PKN2: variants seen among roughly 807,000 people sequenced by gnomAD.
The protein encoded by PKN2 is protein kinase N2.
In PKN2, 38 loss-of-function variants were observed where a neutral mutation model predicts 119.1. That is an observed-to-expected ratio of 0.32 (90% CI 0.25 to 0.42). PKN2 has a LOEUF of 0.42. PKN2 is among the 10% of genes least tolerant of loss of function. The pLI, the probability that PKN2 is intolerant of heterozygous loss-of-function variation, is 1.00. For synonymous variants in PKN2, 390 were observed against 384.9 expected (o/e 1.01, Z -0.15); for missense variants, 850 against 1,165.1 (o/e 0.73, Z 3.94).
At chr1:88,828,134 GTAAA>G (rs1418763201) in intron 18 of PKN2, among the ~76,000 whole-genome samples, 3 of 152,146 alleles carry the variant, frequency 2.0e-5, no homozygotes, top group African/African-American at 4.8e-5. Context: ...TTATAATGAA[GTAAA>G]TAAACTTATT....
chr1:88,820,225 TATATATATAAATAGA>T (rs1672209551), intron 16 of PKN2, among the ~76,000 whole-genome samples: 1 of 41,416 alleles, frequency 2.4e-5, no homozygotes, highest in African/African-American at 1.0e-4. Flanking sequence ...TATATATATA[TATATATATAAATAGA>T]AAAAAATAAA....
chr1:88,739,026 T>C (rs1271627196), intron 1 of PKN2, among the ~76,000 whole-genome samples: 4 of 152,226 alleles, frequency 2.6e-5, no homozygotes, highest in Non-Finnish European at 4.4e-5. Context: ...TCATTGTTTA[T>C]CTGTATAGTG....
intron 16 of PKN2, among the ~76,000 whole-genome samples, chr1:88,817,471 G>T (rs1029040085): frequency 2.0e-5 from 3 of 150,852 alleles, no homozygotes; most frequent in African/African-American, 7.3e-5. Context: ...ACTTTAGGAG[G>T]CCGAGGTGGT....
chr1:88,684,763 C>G, intron 1 of PKN2, 135 bp downstream of exon 1: 1 of 707,998 alleles, frequency 1.4e-6, no homozygotes, highest in Non-Finnish European at 2.2e-6. Flanking sequence ...CGGGATGTCA[C>G]TCGGGAAATG....
intron 3 of PKN2, among the ~76,000 whole-genome samples, chr1:88,769,855 TTAGG>T (rs1246066514): frequency 2.6e-5 from 4 of 151,800 alleles, no homozygotes; most frequent in Non-Finnish European, 5.9e-5. Context: ...ATACTTAGAG[TTAGG>T]TAGGATGAAT....
At chr1:88,780,892 G>T (rs1670311674) in intron 6 of PKN2, 1 of 157,048 alleles carries the variant, frequency 6.4e-6, no homozygotes, top group Non-Finnish European at 1.4e-5. Flanking sequence ...AGCTGATAAT[G>T]ACTGGAAATT....
chr1:88,703,910 G>A (rs1666868917), intron 1 of PKN2, among the ~76,000 whole-genome samples: 1 of 152,078 alleles, frequency 6.6e-6, no homozygotes, highest in South Asian at 2.1e-4. Flanking sequence ...CTTGATATTA[G>A]TAAAGGGAGG....
At chr1:88,803,462 A>G (rs1014912840) in intron 8 of PKN2, among the ~76,000 whole-genome samples, 1 of 152,080 alleles carries the variant, frequency 6.6e-6, no homozygotes, top group Admixed American at 6.5e-5. Context: ...CTTTTTGTGG[A>G]TGGTGTACAG....
At chr1:88,694,356 C>T (rs570301398) in intron 1 of PKN2, among the ~76,000 whole-genome samples, 3 of 152,276 alleles carry the variant, frequency 2.0e-5, no homozygotes, top group East Asian at 1.9e-4. Context: ...AAATCTCATG[C>T]GGTTGGAATC....
chr1:88,691,833 A>G (rs2100647600), intron 1 of PKN2, among the ~76,000 whole-genome samples: 1 of 151,972 alleles, frequency 6.6e-6, no homozygotes, highest in African/African-American at 2.4e-5. Context: ...ATACTTTGAG[A>G]GAAACCACAC....
chr1:88,752,555 G>C lies in PKN2; in HGVS notation c.350-7667G>C, dbSNP rs144017637. Among the ~76,000 whole-genome samples the C allele has an allele frequency of 8.5e-3, 1,293 of 152,070 alleles. 20 individuals carry two copies. The highest frequency in any genetic ancestry group is 0.03 in the African/African-American group (1,237 of 41,520). On this transcript the variant is annotated intron_variant, in intron 2 of 21. Transcript: ENST00000370521. ...TGCTATATTTTTAAAAAATTTGCCA[G>C]TTTTTTCTTTATTTTGTTCCACATA...
intron 7 of PKN2, among the ~76,000 whole-genome samples, chr1:88,785,219 G>A (rs565843290): frequency 1.3e-5 from 2 of 152,072 alleles, no homozygotes; most frequent in Non-Finnish European, 1.5e-5. Flanking sequence ...GTCTCAACCT[G>A]CTGGGTTTAA....
rs138744723 is a variant in PKN2 at position 88,713,673 on chromosome 1, T to C, written c.49-27315T>C. Among the ~76,000 whole-genome samples, 724 of 152,354 alleles carry C rather than the reference T, an allele frequency of 4.8e-3. 2 individuals are homozygous for C. Among genetic ancestry groups the C allele is most frequent in the African/African-American group, 0.016 (681 of 41,578 alleles). ...GTTTAAGTTCTTTGTAGATTCTGGA[T>C]ATTAGCCCTTTGTCGGATGAATAGA... On this transcript the variant is annotated intron_variant, in intron 1 of 21. Transcript: ENST00000370521.
chr1:88,746,894 A>G (rs1183101519), intron 2 of PKN2, among the ~76,000 whole-genome samples: 1 of 152,190 alleles, frequency 6.6e-6, no homozygotes, highest in Non-Finnish European at 1.5e-5. Context: ...AACATGGTAT[A>G]TAAACACAGT....
At chr1:88,797,594 A>AT (rs1253221067) in intron 8 of PKN2, among the ~76,000 whole-genome samples, 8 of 149,162 alleles carry the variant, frequency 5.4e-5, no homozygotes, top group Non-Finnish European at 1.5e-5. Flanking sequence ...GTGAGCGGAG[A>AT]TTGCGCCACT....
intron 12 of PKN2, among the ~76,000 whole-genome samples, chr1:88,806,906 T>G (rs1671564684): frequency 6.6e-6 from 1 of 151,852 alleles, no homozygotes; most frequent in South Asian, 2.1e-4. Flanking sequence ...TTAGTAGAGA[T>G]AGGGTTTCTC....
chr1:88,738,951 C>A (rs762203170), intron 1 of PKN2, among the ~76,000 whole-genome samples: 3 of 152,116 alleles, frequency 2.0e-5, no homozygotes, highest in Non-Finnish European at 4.4e-5. Context: ...CCAAATGGAT[C>A]GTAGGACTTA....
chr1:88,804,520 A>T lies in PKN2; in HGVS notation c.1411A>T (p.Thr471Ser), dbSNP rs772436207. The T allele has an allele frequency of 6.2e-7, 1 of 1,612,730 alleles. No homozygotes were observed. ...GMCLYLEPQG[T>S]LFAEVTFFNP... Reference sequence around the variant, plus strand: ...GTGTCTCTATTTGGAACCACAGGGTACTTTATTTGCAGAGGTAATAAATGT... The same window carrying T: ...GTGTCTCTATTTGGAACCACAGGGTTCTTTATTTGCAGAGGTAATAAATGT... Residue 471 changes from threonine to serine, a missense_variant, in exon 9 of 22, where the codon ACT (threonine) becomes TCT (serine). Physicochemically the swap from Thr to Ser is moderately conservative, Grantham distance 58 (BLOSUM62 1). Around this residue, in one of 9 missense-constraint regions of PKN2, gnomAD observed 350 missense variants for 511.1 expected, o/e 0.68. Transcript: ENST00000370521.
chr1:88,724,882 G>GGTTTTT (rs1667835015), intron 1 of PKN2, among the ~76,000 whole-genome samples: 2 of 106,010 alleles, frequency 1.9e-5, no homozygotes, highest in African/African-American at 4.3e-5. Context: ...CCACCCCTTG[G>GGTTTTT]TTTTTTTTTT....
Sources: gnomAD v4.1 joint callset for allele counts (sites outside exome capture counted in the v4.1 genomes callset) on GRCh38, gnomAD v4.1.1 for gene constraint, gnomAD v4.1.1 regional missense constraint, MANE v1.5 for transcripts, NCBI Gene and HGNC (gene_info 2026-07-23, HGNC 2026-07-21) for gene names.